PCDH15: variants seen among roughly 807,000 people sequenced by gnomAD.
PCDH15 encodes protocadherin related 15, also known as protocadherin-15.
A neutral mutation model predicts 178.5 loss-of-function variants in PCDH15; 129 were observed. That is an observed-to-expected ratio of 0.72 (90% CI 0.63 to 0.84). The LOEUF (loss-of-function observed/expected upper bound fraction) is 0.84. Among genes scored for constraint, PCDH15 ranks in the 40% least tolerant of loss-of-function variants. The pLI, the probability that PCDH15 is intolerant of heterozygous loss-of-function variation, is 0.00. For missense variants in PCDH15, 2,230 were observed against 2,099.9 expected (o/e 1.06, Z -1.21); for synonymous variants, 800 against 732.0 (o/e 1.09, Z -1.50).
intron 26 of PCDH15, among the ~76,000 whole-genome samples, chr10:53,898,174 A>G (rs949141179): frequency 2.6e-5 from 4 of 151,644 alleles, no homozygotes; most frequent in Admixed American, 6.6e-5. Flanking sequence ...TCACCGTGTT[A>G]GCCAGGATGG....
intron 3 of PCDH15, among the ~76,000 whole-genome samples, chr10:54,413,561 A>G (rs1225049442): frequency 6.6e-6 from 1 of 152,228 alleles, no homozygotes; most frequent in Non-Finnish European, 1.5e-5. Flanking sequence ...TATTGATCAT[A>G]TTTCTACATG....
At chr10:54,991,942 G>C (rs1839510541) in intron 2 of PCDH15, among the ~76,000 whole-genome samples, 1 of 151,958 alleles carries the variant, frequency 6.6e-6, no homozygotes, top group African/African-American at 2.4e-5. Context: ...TATTATTTGA[G>C]TTTACAAATA....
At chr10:55,444,711 G>T (rs932666700) in intron 2 of PCDH15, among the ~76,000 whole-genome samples, 1 of 152,054 alleles carries the variant, frequency 6.6e-6, no homozygotes, top group African/African-American at 2.4e-5. Flanking sequence ...CTGTAGTAAC[G>T]AAAGTGAAAG....
intron 3 of PCDH15, among the ~76,000 whole-genome samples, chr10:54,408,636 C>T (rs1361071420): frequency 2.6e-5 from 4 of 152,152 alleles, no homozygotes; most frequent in South Asian, 2.1e-4. Context: ...GTTTCTGAAC[C>T]GCATAACTGA....
rs1295356086 is a variant in PCDH15, at chr10:54,421,828, A to G, written c.158-42886T>C. On this transcript the variant is annotated intron_variant, in intron 3 of 37. Coordinates refer to ENST00000644397, the MANE Select transcript of PCDH15 (RefSeq NM_001384140.1). Reference sequence around the variant, plus strand: ...ATGTGTAGTGTGTGTATATATATATATATATATATACACACACACTATATA... The same window carrying G: ...ATGTGTAGTGTGTGTATATATATATGTATATATATACACACACACTATATA... Among the ~76,000 whole-genome samples, 328 of 81,256 alleles carry G rather than the reference A, an allele frequency of 4.0e-3. 6 individuals carry two copies. Among genetic ancestry groups the G allele is most frequent in the African/African-American group, 0.016 (307 of 19,228 alleles). The allele number at this position is 81,256 out of a possible 152,430, so 53.3% of individuals were successfully genotyped here.
At chr10:54,767,418 T>G (rs749275462) in intron 1 of PCDH15, among the ~76,000 whole-genome samples, 1 of 152,060 alleles carries the variant, frequency 6.6e-6, no homozygotes, top group Non-Finnish European at 1.5e-5. Flanking sequence ...AGGAAAAGCC[T>G]CCCATTTAGA....
At chr10:54,991,603 A>C (rs1029269751) in intron 2 of PCDH15, among the ~76,000 whole-genome samples, 14 of 152,286 alleles carry the variant, frequency 9.2e-5, no homozygotes, top group Admixed American at 8.5e-4. Context: ...ATTTTTCATT[A>C]AAATATTAGT....
At chr10:55,364,024 A>C (rs1231504434) in intron 2 of PCDH15, among the ~76,000 whole-genome samples, 1 of 152,082 alleles carries the variant, frequency 6.6e-6, no homozygotes, top group South Asian at 2.1e-4. Flanking sequence ...AGGTAATTGA[A>C]ACATGGGGGT....
intron 23 of PCDH15, among the ~76,000 whole-genome samples, chr10:53,947,382 G>A (rs1434741200): frequency 6.6e-6 from 1 of 152,064 alleles, no homozygotes. Context: ...GTAAATAGAT[G>A]CTATAAAATT....
chr10:53,972,948 T>C (rs1055908938), intron 21 of PCDH15, among the ~76,000 whole-genome samples: 3 of 152,090 alleles, frequency 2.0e-5, no homozygotes, highest in African/African-American at 7.2e-5. Flanking sequence ...TGGGCATATA[T>C]GCAAAGGATT....
At chr10:55,268,428 T>C (rs1842356837) in intron 1 of PCDH15, among the ~76,000 whole-genome samples, 1 of 152,138 alleles carries the variant, frequency 6.6e-6, no homozygotes, top group Non-Finnish European at 1.5e-5. Flanking sequence ...TCTCAACATA[T>C]CCAAAGTGAT....
intron 2 of PCDH15, among the ~76,000 whole-genome samples, chr10:55,516,580 T>G (rs980626564): frequency 1.1e-4 from 16 of 151,974 alleles, no homozygotes; most frequent in African/African-American, 3.9e-4. Context: ...TTAAAAGCAT[T>G]TTTTTTTCCT....
intron 2 of PCDH15, among the ~76,000 whole-genome samples, chr10:55,144,990 G>T (rs2995816): frequency 6.6e-6 from 1 of 151,862 alleles, no homozygotes; most frequent in Admixed American, 6.6e-5. Flanking sequence ...AAATGCATTT[G>T]GATTATAACT....
intron 25 of PCDH15, among the ~76,000 whole-genome samples, chr10:53,928,566 T>C (rs948259773): frequency 6.6e-6 from 1 of 152,100 alleles, no homozygotes; most frequent in African/African-American, 2.4e-5. Context: ...GTTATTCATG[T>C]AGTTGCATCT....
At chr10:54,473,004 C>A (rs1018709211) in intron 3 of PCDH15, among the ~76,000 whole-genome samples, 3 of 152,154 alleles carry the variant, frequency 2.0e-5, no homozygotes, top group African/African-American at 7.2e-5. Context: ...GAAACACAGA[C>A]TTCTACATAA....
intron 3 of PCDH15, among the ~76,000 whole-genome samples, chr10:54,515,890 C>G (rs974498353): frequency 1.3e-4 from 20 of 152,220 alleles, no homozygotes; most frequent in Non-Finnish European, 2.1e-4. Context: ...CAAACAGGGT[C>G]TGGAGGGGAC....
chr10:53,958,783 T>C (rs1054482089), intron 23 of PCDH15, among the ~76,000 whole-genome samples: 20 of 151,712 alleles, frequency 1.3e-4, no homozygotes, highest in Admixed American at 9.2e-4. Flanking sequence ...ATCGAGACCA[T>C]CCTGGCTAAT....
intron 1 of PCDH15, among the ~76,000 whole-genome samples, chr10:54,720,620 C>A (rs903063323): frequency 6.6e-6 from 1 of 151,984 alleles, no homozygotes; most frequent in African/African-American, 2.4e-5. Flanking sequence ...TTCATTACTA[C>A]CAGATCACCT....
intron 21 of PCDH15, among the ~76,000 whole-genome samples, chr10:53,979,791 A>G (rs1038843622): frequency 2.6e-5 from 4 of 152,380 alleles, no homozygotes; most frequent in African/African-American, 9.6e-5. Context: ...CTTAAGATTT[A>G]TAGTAAACTA....
Sources: gnomAD v4.1 joint callset for allele counts (sites outside exome capture counted in the v4.1 genomes callset) on GRCh38, gnomAD v4.1.1 for gene constraint, MANE v1.5 for transcripts, NCBI Gene and HGNC (gene_info 2026-07-23, HGNC 2026-07-21) for gene names.